The following CUX1 variants were observed in gnomAD, a reference collection of about 807,000 sequenced individuals.
CUX1 encodes protein CASP.
Under a neutral mutation model 158.8 loss-of-function variants are expected in CUX1, and 31 were observed. The observed-to-expected ratio is 0.20, with a 90% CI of 0.15 to 0.26. The LOEUF (loss-of-function observed/expected upper bound fraction) is 0.26, where lower values mean the gene tolerates loss of function less well. CUX1 is among the 10% of genes least tolerant of loss of function. The probability of loss-of-function intolerance (pLI) is 1.00; values close to 1 mark genes in which losing one functional copy is unlikely to be tolerated. For synonymous variants in CUX1, 879 were observed against 862.1 expected (o/e 1.02, Z -0.34); for missense variants, 1,589 against 2,014.6 (o/e 0.79, Z 4.04).
chr7:102,209,611 G>T (rs1448474234), intron 20 of CUX1, among the ~76,000 whole-genome samples: 4 of 152,238 alleles, frequency 2.6e-5, no homozygotes, highest in Non-Finnish European at 5.9e-5. Context: ...AGCACCTTGG[G>T]ATATAAAGGG....
intron 5 of CUX1, among the ~76,000 whole-genome samples, chr7:102,100,284 A>C (rs186048240): frequency 6.6e-6 from 1 of 152,356 alleles, no homozygotes; most frequent in African/African-American, 2.4e-5. Flanking sequence ...TCTCTAAAAA[A>C]GAATGGCTCT....
chr7:102,159,675 A>G (rs944532536), intron 9 of CUX1, among the ~76,000 whole-genome samples: 1 of 151,860 alleles, frequency 6.6e-6, no homozygotes, highest in African/African-American at 2.4e-5. Context: ...AGCCTGGCCA[A>G]TATGGTGAAT....
At chr7:102,071,057 G>A (rs1826076558) in intron 4 of CUX1, among the ~76,000 whole-genome samples, 1 of 152,158 alleles carries the variant, frequency 6.6e-6, no homozygotes, top group South Asian at 2.1e-4. Flanking sequence ...CCGGGCTCAA[G>A]CGATCCTCCC....
intron 2 of CUX1, among the ~76,000 whole-genome samples, chr7:101,945,520 G>A (rs916258945): frequency 5.3e-5 from 8 of 152,116 alleles, no homozygotes; most frequent in Non-Finnish European, 1.0e-4. Flanking sequence ...CATTATGCTG[G>A]GCACGGTCCC....
intron 3 of CUX1, among the ~76,000 whole-genome samples, chr7:102,044,219 C>T (rs1473515277): frequency 2.6e-5 from 4 of 151,708 alleles, no homozygotes; most frequent in Non-Finnish European, 1.5e-5. Context: ...CTTGCTCTGT[C>T]GCCCAGGCTG....
intron 9 of CUX1, among the ~76,000 whole-genome samples, chr7:102,162,381 C>A (rs1790534514): frequency 6.6e-6 from 1 of 152,200 alleles, no homozygotes; most frequent in Non-Finnish European, 1.5e-5. Flanking sequence ...TCAAGTGATT[C>A]CCCTGCCTCA....
chr7:102,175,618 AC>A (rs1792230686), intron 10 of CUX1, among the ~76,000 whole-genome samples: 1 of 151,220 alleles, frequency 6.6e-6, no homozygotes, highest in African/African-American at 2.4e-5. Context: ...CCCGGCACCC[AC>A]CCTGAGATGG....
At chr7:102,206,824 A>G (rs367356) in intron 20 of CUX1, among the ~76,000 whole-genome samples, 107,921 of 151,912 alleles carry the variant, frequency 0.71, 38,691 homozygotes, top group East Asian at 0.95. Context: ...GCTTGAACCC[A>G]GGAGGCGGAG....
intron 2 of CUX1, among the ~76,000 whole-genome samples, chr7:101,980,382 C>G (rs953455048): frequency 6.6e-6 from 1 of 152,166 alleles, no homozygotes; most frequent in African/African-American, 2.4e-5. Context: ...TGGTGGCATG[C>G]ACCTGTGGTC....
intron 8 of CUX1, among the ~76,000 whole-genome samples, chr7:102,152,581 G>A (rs528210325): frequency 2.6e-5 from 4 of 152,230 alleles, no homozygotes; most frequent in South Asian, 2.1e-4. Context: ...TAGTAGAAAC[G>A]GGGTTTCACC....
intron 2 of CUX1, among the ~76,000 whole-genome samples, chr7:102,021,343 C>T (rs955326684): frequency 9.2e-5 from 14 of 152,062 alleles, no homozygotes; most frequent in African/African-American, 3.4e-4. Flanking sequence ...GGGTCTTGCT[C>T]TGTCACCCAG....
chr7:101,816,215 G>A (rs1030904090), upstream of CUX1: 9 of 223,418 alleles, frequency 4.0e-5, no homozygotes, highest in African/African-American at 1.4e-4. Context: ...GGAGGAGGGG[G>A]GTGCCGGGCA....
intron 2 of CUX1, among the ~76,000 whole-genome samples, chr7:101,987,550 C>T (rs1489186683): frequency 6.6e-6 from 1 of 152,212 alleles, no homozygotes; most frequent in Admixed American, 6.5e-5. Context: ...ACCTTGACCC[C>T]GGTGACTCCG....
chr7:101,922,112 T>G (rs1805017718), intron 2 of CUX1, among the ~76,000 whole-genome samples: 1 of 151,754 alleles, frequency 6.6e-6, no homozygotes, highest in South Asian at 2.1e-4. Flanking sequence ...AGTGAGATCC[T>G]GTCTCAAAAA....
intron 8 of CUX1, among the ~76,000 whole-genome samples, chr7:102,127,117 C>T (rs1282226785): frequency 1.3e-5 from 2 of 152,244 alleles, no homozygotes; most frequent in African/African-American, 2.4e-5. Context: ...CCTCCTGCAG[C>T]GCATCTCCTG....
At position 101,916,448 on chromosome 7, in the gene CUX1, T is replaced by A. The variant is rs1804220810; in HGVS notation, c.141+223T>A. ...GATAGGTTGTCTGGAAATATGAAAG[T>A]CAGAGCCAATTCCAGGTGCAGATAC... On this transcript the variant is annotated intron_variant, in intron 2 of 23. Coordinates refer to ENST00000292535, the MANE Select transcript of CUX1 (RefSeq NM_181552.4). This position sits in a 1 kb window ranked among gnomAD's most constrained non-coding sequence, Gnocchi z 4.4. The A allele has an allele frequency of 2.3e-6, 1 of 435,648 alleles. No homozygotes were observed. Among genetic ancestry groups the A allele is most frequent in the Non-Finnish European group, 4.3e-6 (1 of 231,084 alleles). The allele number at this position is 435,648 out of a possible 1,614,324, so 27.0% of individuals were successfully genotyped here.
chr7:101,865,110 G>A (rs545597327), intron 1 of CUX1, among the ~76,000 whole-genome samples: 2 of 152,124 alleles, frequency 1.3e-5, no homozygotes, highest in East Asian at 1.9e-4. Context: ...CCTTAGCCTC[G>A]GCCCTGGGAG....
intron 21 of CUX1, among the ~76,000 whole-genome samples, chr7:102,233,061 G>A (rs1353708400): frequency 1.3e-5 from 2 of 152,136 alleles, no homozygotes; most frequent in Admixed American, 6.6e-5. Flanking sequence ...TTGTACAAGA[G>A]AGGTCTCCTG....
chr7:101,904,972 G>C (rs1322394664), intron 1 of CUX1, among the ~76,000 whole-genome samples: 1 of 152,170 alleles, frequency 6.6e-6, no homozygotes. Flanking sequence ...TCATTGCACT[G>C]GGCGTTTTAT....
Sources: allele counts gnomAD v4.1 joint callset (sites outside exome capture counted in the v4.1 genomes callset), GRCh38; gene constraint gnomAD v4.1.1; non-coding constraint Gnocchi (gnomAD v3.1); transcripts MANE v1.5; gene names NCBI Gene and HGNC (gene_info 2026-07-23, HGNC 2026-07-21).